The following ZNF423 variants were observed in gnomAD, a reference collection of about 807,000 sequenced individuals.
ZNF423 encodes the protein zinc finger protein 423.
Under a neutral mutation model 95.8 loss-of-function variants are expected in ZNF423, and 12 were observed. The observed-to-expected ratio is 0.13, with a 90% CI of 0.08 to 0.20. ZNF423 has a LOEUF of 0.20. Ranked by LOEUF, ZNF423 falls within the 10% of genes least tolerant of loss-of-function variation. ZNF423 has a pLI of 1.00. For missense variants in ZNF423, 1,316 were observed against 1,737.1 expected, an observed-to-expected ratio of 0.76 and a Z score of 4.31; for synonymous variants, 749 against 711.9, an observed-to-expected ratio of 1.05 and a Z score of -0.83.
chr16:49,728,921 T>C (rs551215695), intron 3 of ZNF423, among the ~76,000 whole-genome samples: 10 of 152,122 alleles, frequency 6.6e-5, no homozygotes, highest in Non-Finnish European at 1.3e-4. Flanking sequence ...TTAGTAGACA[T>C]GGGGTTTTAC....
chr16:49,846,254 C>G (rs1027282531), intron 1 of ZNF423, among the ~76,000 whole-genome samples: 1 of 142,018 alleles, frequency 7.0e-6, no homozygotes, highest in African/African-American at 2.7e-5. Flanking sequence ...GAGCCAAGAT[C>G]GTGCCACTGC....
At chr16:49,592,398 T>C (rs1339277977) in intron 5 of ZNF423, among the ~76,000 whole-genome samples, 2 of 152,168 alleles carry the variant, frequency 1.3e-5, no homozygotes, top group African/African-American at 4.8e-5. Flanking sequence ...ACACAGCCAA[T>C]TAGGAAAATT....
At chr16:49,692,108 C>T (rs1567293547) in intron 3 of ZNF423, among the ~76,000 whole-genome samples, 1 of 151,998 alleles carries the variant, frequency 6.6e-6, no homozygotes, top group Non-Finnish European at 1.5e-5. Flanking sequence ...TGCTACCATG[C>T]CCAGCTTATT....
rs137883621 is a variant in ZNF423, at chr16:49,802,555, C to T, written c.41-13009G>A. Among the ~76,000 whole-genome samples, 27 of 152,312 alleles carry T rather than the reference C, an allele frequency of 1.8e-4. No homozygotes were observed. The East Asian group carries it at 3.7e-3, about 21-fold the overall frequency. On this transcript the variant is annotated intron_variant, in intron 1 of 7. Transcript: ENST00000563137. Reference sequence around the variant, plus strand: ...GAGCAGAATAAATGTGCACGATCAGCGCACCATGGGACAAAGGCACAGTGT... The same window carrying T: ...GAGCAGAATAAATGTGCACGATCAGTGCACCATGGGACAAAGGCACAGTGT...
intron 5 of ZNF423, among the ~76,000 whole-genome samples, chr16:49,530,749 G>A (rs1387944944): frequency 2.0e-5 from 3 of 152,264 alleles, no homozygotes; most frequent in African/African-American, 4.8e-5. Context: ...GACTGAGGGC[G>A]TGGAGAGGCT....
chr16:49,731,247 G>T, intron 2 of ZNF423: 2 of 890,748 alleles, frequency 2.2e-6, no homozygotes, highest in Non-Finnish European at 2.7e-6. Flanking sequence ...TGACCCATCG[G>T]AGAGGTGAAA....
At chr16:49,836,042 A>T (rs2035116042) in intron 1 of ZNF423, among the ~76,000 whole-genome samples, 1 of 152,156 alleles carries the variant, frequency 6.6e-6, no homozygotes, top group African/African-American at 2.4e-5. Context: ...CGACAACCAC[A>T]GCTAAGATTC....
intron 7 of ZNF423, among the ~76,000 whole-genome samples, chr16:49,501,994 T>C (rs773421808): frequency 2.9e-4 from 44 of 152,176 alleles, no homozygotes; most frequent in Admixed American, 2.0e-4. Flanking sequence ...AATATACCCA[T>C]GTAATTAACC....
chr16:49,781,573 A>G (rs963917407), intron 2 of ZNF423, among the ~76,000 whole-genome samples: 1 of 152,158 alleles, frequency 6.6e-6, no homozygotes, highest in Non-Finnish European at 1.5e-5. Context: ...AATAATAACT[A>G]TGCACTCCAG....
chr16:49,605,519 C>T (rs147247986), intron 5 of ZNF423, among the ~76,000 whole-genome samples: 104 of 152,336 alleles, frequency 6.8e-4, no homozygotes, highest in African/African-American at 2.4e-3. Context: ...AACTCCAACT[C>T]AGCCTTCTAA....
intron 5 of ZNF423, among the ~76,000 whole-genome samples, chr16:49,540,685 T>G (rs1331107141): frequency 1.3e-5 from 2 of 152,172 alleles, no homozygotes; most frequent in Non-Finnish European, 2.9e-5. Flanking sequence ...GGGCAGGACC[T>G]TAGTGACAAT....
chr16:49,748,484 AC>A (rs1406318980), intron 2 of ZNF423, among the ~76,000 whole-genome samples: 1 of 152,200 alleles, frequency 6.6e-6, no homozygotes, highest in Non-Finnish European at 1.5e-5. Flanking sequence ...GGAGCCAGGT[AC>A]TGCCTAAAAC....
At chr16:49,684,734 C>T (rs2031495470) in intron 3 of ZNF423, among the ~76,000 whole-genome samples, 1 of 152,198 alleles carries the variant, frequency 6.6e-6, no homozygotes, top group Admixed American at 6.5e-5. Context: ...TATAAGCCCT[C>T]CCCTCAGCTT....
chr16:49,589,774 C>T (rs1424950246), intron 5 of ZNF423, among the ~76,000 whole-genome samples: 2 of 152,032 alleles, frequency 1.3e-5, no homozygotes, highest in African/African-American at 4.8e-5. Context: ...ACACTGAAGC[C>T]GGGAACGCTA....
intron 5 of ZNF423, among the ~76,000 whole-genome samples, chr16:49,596,194 T>A (rs1971173398): frequency 1.3e-5 from 2 of 152,154 alleles, no homozygotes; most frequent in Admixed American, 6.6e-5. Flanking sequence ...TTCTTCTTCA[T>A]CTCGCACAAA....
intron 1 of ZNF423, among the ~76,000 whole-genome samples, chr16:49,815,111 C>T (rs978928203): frequency 2.0e-5 from 3 of 152,130 alleles, no homozygotes; most frequent in Admixed American, 6.5e-5. Context: ...GTGTGAACTT[C>T]GGCAAGTTAC....
At chr16:49,773,478 T>G (rs1463799121) in intron 2 of ZNF423, among the ~76,000 whole-genome samples, 1 of 152,108 alleles carries the variant, frequency 6.6e-6, no homozygotes, top group Non-Finnish European at 1.5e-5. Context: ...ATTCAAGAGA[T>G]TTGGGTGGGG....
chr16:49,836,377 G>C (rs1031487776), intron 1 of ZNF423, among the ~76,000 whole-genome samples: 2 of 152,048 alleles, frequency 1.3e-5, no homozygotes, highest in Non-Finnish European at 1.5e-5. Context: ...GGGTTGGCAT[G>C]GAGGGAAGGG....
chr16:49,529,605 G>T (rs1399081651), intron 5 of ZNF423, among the ~76,000 whole-genome samples: 1 of 152,058 alleles, frequency 6.6e-6, no homozygotes, highest in Admixed American at 6.5e-5. Context: ...ACCGACTTTT[G>T]TCTCCAAAAG....
Sources: gnomAD v4.1 joint callset for allele counts (sites outside exome capture counted in the v4.1 genomes callset) on GRCh38, gnomAD v4.1.1 for gene constraint, MANE v1.5 for transcripts, NCBI Gene and HGNC (gene_info 2026-07-23, HGNC 2026-07-21) for gene names.